MTARC1: variants seen among roughly 807,000 people sequenced by gnomAD.
MTARC1 encodes mitochondrial amidoxime-reducing component 1.
MTARC1 carries 24 observed loss-of-function variants against 33.6 expected under a neutral mutation model. The ratio of observed to expected loss-of-function variants is 0.72; its 90% CI spans 0.52 to 1.01. The LOEUF (loss-of-function observed/expected upper bound fraction) is 1.01. MTARC1 is among the 50% of genes least tolerant of loss of function. The probability of loss-of-function intolerance (pLI) is 0.00; values close to 1 mark genes in which losing one functional copy is unlikely to be tolerated. For missense variants in MTARC1, 417 were observed against 445.7 expected, an observed-to-expected ratio of 0.94 and a Z score of 0.58; for synonymous variants, 187 against 189.5, an observed-to-expected ratio of 0.99 and a Z score of 0.11.
At chr1:220,807,586 AAAAC>A (rs60450695) in intron 6 of MTARC1, among the ~76,000 whole-genome samples, 15 of 152,108 alleles carry the variant, frequency 9.9e-5, no homozygotes, top group South Asian at 8.3e-4. Flanking sequence ...CTGTCTCACA[AAAAC>A]AAACAAACAA....
intron 4 of MTARC1, chr1:220,798,524 T>C (rs1325788770): frequency 2.0e-6 from 2 of 985,348 alleles, no homozygotes; most frequent in Non-Finnish European, 2.4e-6. Context: ...GATGTTTGCG[T>C]GGTGACTTAG....
intron 6 of MTARC1, among the ~76,000 whole-genome samples, chr1:220,811,080 G>A (rs1249888342): frequency 6.6e-6 from 1 of 152,200 alleles, no homozygotes; most frequent in Non-Finnish European, 1.5e-5. Flanking sequence ...CTCTTAGACT[G>A]CAGAGCTTGG....
Position 220,786,981 on chromosome 1 carries a change from G to A in MTARC1, c.37G>A (p.Val13Ile), listed in dbSNP as rs370198490. ...CGGCTCCTCCGCGCTGGCGCGCTTT[G>A]TCCTCCTCGCGCAATCCCGGCCCGG... Reference protein sequence around the residue: ...AAGSSALARFVLLAQSRPGWL... With the variant: ...AAGSSALARFILLAQSRPGWL... The change falls in exon 1 of 7, where the codon GTC becomes ATC. Residue 13 changes from valine (V) to isoleucine (I), a missense_variant. Transcript: ENST00000366910. The A allele has an allele frequency of 7.8e-7, 1 of 1,275,304 alleles. No homozygotes were observed. The allele number at this position is 1,275,304 out of a possible 1,614,324, so 79.0% of individuals were successfully genotyped here.
Position 220,813,394 on chromosome 1 carries a change from C to A in MTARC1, c.990C>A (p.Asp330Glu), listed in dbSNP as rs1673199845. 1 of 1,614,116 alleles carries A rather than the reference C, an allele frequency of 6.2e-7. No homozygotes were observed. The highest frequency in any genetic ancestry group is 8.5e-7 in the Non-Finnish European group (1 of 1,180,028). ...ACCCAGGGACCATCAAAGTGGGAGA[C>A]CCTGTGTACCTGCTGGGCCAGTAAT... ...LENPGTIKVG[D>E]PVYLLGQ The change falls in exon 7 of 7, where the codon GAC becomes GAA. Residue 330 changes from aspartate to glutamate, a missense_variant. Asp to Glu is a conservative substitution (Grantham distance 45, BLOSUM62 2). Transcript: ENST00000366910.
At chr1:220,798,181 T>G in intron 4 of MTARC1, 167 bp downstream of exon 4, 1 of 1,560,948 alleles carries the variant, frequency 6.4e-7, no homozygotes, top group Non-Finnish European at 8.7e-7. Flanking sequence ...AGTGCAGACT[T>G]CTGTGTGGAG....
At chr1:220,789,338 C>G (rs894746840) in intron 1 of MTARC1, among the ~76,000 whole-genome samples, 2 of 152,136 alleles carry the variant, frequency 1.3e-5, no homozygotes, top group Non-Finnish European at 2.9e-5. Flanking sequence ...TAGTCAATGC[C>G]AGAGGGGTCC....
chr1:220,799,179 G>C (rs776874864), intron 4 of MTARC1: 12 of 984,542 alleles, frequency 1.2e-5, no homozygotes, highest in Non-Finnish European at 1.4e-5. Context: ...ATAAAAGTAC[G>C]CCCAAATCCA....
rs1672799955 is a variant in MTARC1 at position 220,801,357 on chromosome 1, GCACACA to G, written c.753+3345_753+3350del. ...CCCCGCTCACCCAGCCCCCCCCACA[GCACACA>G]CCCCACCTAACAAGCCGTGTGTACT... On this transcript the variant is annotated intron_variant, in intron 4 of 6. Coordinates refer to ENST00000366910, the MANE Select transcript of MTARC1 (RefSeq NM_022746.4). 2.0e-5 allele frequency among the ~76,000 whole-genome samples: 3 copies of G among 151,566 alleles called. No individual in the cohort carries two copies. The South Asian group carries it at 6.2e-4, about 32-fold the overall frequency.
At chr1:220,813,162 G>A (rs1673188918) in intron 6 of MTARC1, 130 bp from the exon 7 acceptor site, 2 of 1,270,590 alleles carry the variant, frequency 1.6e-6, no homozygotes, top group Admixed American at 1.8e-5. Flanking sequence ...GCGCTGTTCT[G>A]TTGAGCTTTG....
intron 1 of MTARC1, among the ~76,000 whole-genome samples, chr1:220,788,820 T>C (rs1351759390): frequency 1.3e-5 from 2 of 151,618 alleles, no homozygotes; most frequent in Non-Finnish European, 2.9e-5. Flanking sequence ...AATCCATGTT[T>C]CGTATAGTAG....
intron 2 of MTARC1, chr1:220,793,875 G>A (rs755251800): frequency 6.6e-6 from 1 of 152,192 alleles, no homozygotes; most frequent in Non-Finnish European, 1.5e-5. Context: ...CCAAGATACA[G>A]CAGAGGCCAA....
rs1035470520 is a variant in MTARC1, at chr1:220,816,295, A to C, written c.*2877A>C. On this transcript the variant is annotated 3_prime_UTR_variant, in exon 7 of 7. Transcript: ENST00000366910. ...CTCCCAGCATTCCAAGAGTGTATCA[A>C]ATTAAAGCAACCCATGATGGTGGAG... The C allele has an allele frequency of 4.6e-5, 7 of 152,224 alleles. No individual in the cohort carries two copies. Among genetic ancestry groups the C allele is most frequent in the Non-Finnish European group, 1.0e-4 (7 of 68,044 alleles). The allele number at this position is 152,224 out of a possible 1,614,324, so 9.4% of individuals were successfully genotyped here.
At chr1:220,801,773 G>C (rs888677832) in intron 4 of MTARC1, among the ~76,000 whole-genome samples, 1 of 152,076 alleles carries the variant, frequency 6.6e-6, no homozygotes, top group Non-Finnish European at 1.5e-5. Context: ...GGCGGGGCCA[G>C]GGTGCAGCTG....
At position 220,819,613 on chromosome 1, in the gene MTARC1, CAG is replaced by C. The variant is rs376897538; in HGVS notation, c.*6196_*6197del. ...AGCTATATTCTGCTCATTATGCTCA[CAG>C]GGCTTTTGAAAAGAGAACAAAATAA... is the stretch of plus-strand genomic sequence containing the variant. On this transcript the variant is annotated 3_prime_UTR_variant, in exon 7 of 7. Transcript: ENST00000366910. The C allele has an allele frequency of 7.2e-5, 11 of 152,342 alleles. No individual in the cohort carries two copies. In the East Asian group the frequency reaches 1.9e-3, roughly 27 times the overall value. The allele number at this position is 152,342 out of a possible 1,614,324, so 9.4% of individuals were successfully genotyped here.
intron 6 of MTARC1, among the ~76,000 whole-genome samples, chr1:220,812,172 C>T (rs567196266): frequency 6.6e-6 from 1 of 152,086 alleles, no homozygotes; most frequent in Non-Finnish European, 1.5e-5. Flanking sequence ...GAGGACTTAC[C>T]GAGTCAGTAC....
rs1193368843 is a variant in MTARC1 at position 220,788,554 on chromosome 1, C to G, written c.275+1335C>G. Among the ~76,000 whole-genome samples the G allele has an allele frequency of 2.0e-5, 3 of 152,024 alleles. No homozygotes were observed. In the East Asian group the frequency reaches 5.8e-4, roughly 29 times the overall value. ...CTGTAATCCCAGCACTTTGGGAGGCCGAGGCGGGTGGATCACAAGGTCAGG... is the reference window on the plus strand; with the variant it reads ...CTGTAATCCCAGCACTTTGGGAGGCGGAGGCGGGTGGATCACAAGGTCAGG... On this transcript the variant is annotated intron_variant, in intron 1 of 6. Transcript: ENST00000366910.
At chr1:220,791,436 G>T in intron 1 of MTARC1, 55 bp from the exon 2 acceptor site, 1 of 1,578,190 alleles carries the variant, frequency 6.3e-7, no homozygotes, top group East Asian at 2.2e-5. Context: ...GCTCCTCCAG[G>T]GTCTGGCTTC....
intron 2 of MTARC1, 140 bp downstream of exon 2, chr1:220,791,804 C>T: frequency 2.3e-6 from 2 of 882,520 alleles, no homozygotes; most frequent in Non-Finnish European, 3.3e-6. Context: ...AGAATGAAGT[C>T]CTCAACATTA....
Position 220,813,436 on chromosome 1 carries a change from G to A in MTARC1, c.*18G>A. 1 of 1,613,344 alleles carries A rather than the reference G, an allele frequency of 6.2e-7. No individual in the cohort carries two copies. The highest frequency in any genetic ancestry group is 2.2e-5 in the East Asian group (1 of 44,864). On this transcript the variant is annotated 3_prime_UTR_variant, in exon 7 of 7. Coordinates refer to ENST00000366910, the MANE Select transcript of MTARC1 (RefSeq NM_022746.4). The stretch of plus-strand genomic sequence containing the variant: ...GCCAGTAATGGGAACCGTATGTCCT[G>A]GAATATTAGATGCCTTTTAAAAATG...
Sources: gnomAD v4.1 joint callset for allele counts (sites outside exome capture counted in the v4.1 genomes callset) on GRCh38, gnomAD v4.1.1 for gene constraint, MANE v1.5 for transcripts, NCBI Gene and HGNC (gene_info 2026-07-23, HGNC 2026-07-21) for gene names.